DOCK3: variants seen among roughly 807,000 people sequenced by gnomAD.
DOCK3 encodes dedicator of cytokinesis 3, also known as dedicator of cytokinesis protein 3.
DOCK3 carries 60 observed loss-of-function variants against 265.6 expected under a neutral mutation model. The observed-to-expected ratio is 0.23, with a 90% CI of 0.18 to 0.28. The LOEUF is 0.28. DOCK3 is among the 10% of genes least tolerant of loss of function. The pLI is 1.00. For missense variants in DOCK3, 1,981 were observed against 2,594.3 expected, an observed-to-expected ratio of 0.76 and a Z score of 5.14; for synonymous variants, 881 against 938.0, an observed-to-expected ratio of 0.94 and a Z score of 1.11.
chr3:50,807,772 A>C (rs181294833), intron 2 of DOCK3, among the ~76,000 whole-genome samples: 3 of 152,298 alleles, frequency 2.0e-5, no homozygotes, highest in African/African-American at 7.2e-5. Context: ...CGATAGATAC[A>C]AAGTCTTGCT....
chr3:51,269,957 G>C (rs372088635), intron 23 of DOCK3, among the ~76,000 whole-genome samples: 115 of 152,290 alleles, frequency 7.6e-4, no homozygotes, highest in African/African-American at 2.7e-3. Context: ...AAGCGGTAAA[G>C]CTTGGATTTG....
intron 2 of DOCK3, among the ~76,000 whole-genome samples, chr3:50,817,168 A>G (rs1007955076): frequency 1.3e-5 from 2 of 152,300 alleles, no homozygotes; most frequent in South Asian, 4.1e-4. Flanking sequence ...GGCGTTTGTA[A>G]ACTGTCATGG....
chr3:51,129,716 C>T (rs955815995), intron 9 of DOCK3, among the ~76,000 whole-genome samples: 4 of 152,146 alleles, frequency 2.6e-5, no homozygotes, highest in South Asian at 2.1e-4. Flanking sequence ...ATGGCAGTGC[C>T]GTGCTCCAGA....
intron 5 of DOCK3, among the ~76,000 whole-genome samples, chr3:51,025,083 C>A (rs1344927790): frequency 1.3e-5 from 2 of 152,102 alleles, no homozygotes; most frequent in Non-Finnish European, 1.5e-5. Context: ...CCCTAAGTTG[C>A]CTAGGGGAAG....
chr3:51,044,613 T>C (rs371012646), intron 5 of DOCK3, among the ~76,000 whole-genome samples: 1 of 152,084 alleles, frequency 6.6e-6, no homozygotes, highest in South Asian at 2.1e-4. Flanking sequence ...CATCTTCTTA[T>C]CTTTTTTTAA....
chr3:50,900,416 T>A (rs2049125417), intron 4 of DOCK3, among the ~76,000 whole-genome samples: 1 of 152,194 alleles, frequency 6.6e-6, no homozygotes, highest in Non-Finnish European at 1.5e-5. Flanking sequence ...TGCATTGGGT[T>A]AGAACATGCT....
chr3:51,208,303 A>G (rs188217189), intron 12 of DOCK3, among the ~76,000 whole-genome samples: 37 of 152,346 alleles, frequency 2.4e-4, no homozygotes, highest in African/African-American at 7.7e-4. Context: ...AAATAGTATC[A>G]ACATTGCTTT....
At chr3:51,339,863 A>G (rs569658250) in intron 37 of DOCK3, among the ~76,000 whole-genome samples, 1 of 152,320 alleles carries the variant, frequency 6.6e-6, no homozygotes, top group African/African-American at 2.4e-5. Context: ...TTGTCTGCAA[A>G]CGCTACTGCA....
At chr3:50,908,340 T>C (rs1479191623) in intron 4 of DOCK3, among the ~76,000 whole-genome samples, 1 of 152,074 alleles carries the variant, frequency 6.6e-6, no homozygotes, top group Non-Finnish European at 1.5e-5. Flanking sequence ...GAGATCTTTC[T>C]GGCTTTTTGA....
chr3:50,859,293 G>A (rs2046785591), intron 3 of DOCK3, among the ~76,000 whole-genome samples: 1 of 136,740 alleles, frequency 7.3e-6, no homozygotes. Context: ...TTGGCTCACT[G>A]CAGCCTCTGC....
rs59382660 is a variant in DOCK3, at chr3:51,053,078, GATATATATATATATATATATAT to G, written c.316-11347_316-11326del. Among the ~76,000 whole-genome samples the G allele has an allele frequency of 4.1e-3, 181 of 43,808 alleles. 6 individuals are homozygous for G. Among genetic ancestry groups the G allele is most frequent in the East Asian group, 0.027 (8 of 294 alleles). 28.7% of individuals were successfully genotyped at this position (43,808 alleles called of 152,430 possible). ...AGTTTCATCTTTTAAAAAAGTCAAA[GATATATATATATATATATATAT>G]ATATATATATATATATATATATGGA... On this transcript the variant is annotated intron_variant, in intron 5 of 52. Coordinates refer to ENST00000266037, the MANE Select transcript of DOCK3 (RefSeq NM_004947.5).
chr3:51,110,940 C>T (rs892411509), intron 9 of DOCK3, among the ~76,000 whole-genome samples: 16 of 152,168 alleles, frequency 1.1e-4, no homozygotes, highest in Admixed American at 1.3e-4. Context: ...CCCATAATCT[C>T]GGCCCAAAAG....
intron 9 of DOCK3, among the ~76,000 whole-genome samples, chr3:51,108,839 C>A (rs1410870087): frequency 6.6e-6 from 1 of 152,194 alleles, no homozygotes. Flanking sequence ...ACCTAACTAT[C>A]CTAAATATAT....
At chr3:50,744,878 T>A (rs1365010583) in intron 1 of DOCK3, among the ~76,000 whole-genome samples, 1 of 152,202 alleles carries the variant, frequency 6.6e-6, no homozygotes, top group African/African-American at 2.4e-5. Flanking sequence ...TAAAAATGTC[T>A]CATGGTTTAT....
At chr3:50,869,638 C>T (rs1401051017) in intron 3 of DOCK3, among the ~76,000 whole-genome samples, 1 of 151,662 alleles carries the variant, frequency 6.6e-6, no homozygotes, top group Non-Finnish European at 1.5e-5. Flanking sequence ...TCCGAAAGTG[C>T]TGGGATTACA....
rs1350041651 is a variant in DOCK3, at chr3:51,227,426, T to C, written c.1521T>C (p.Phe507=). Residue 507 remains phenylalanine, a synonymous_variant, in exon 16 of 53, where the codon TTT becomes TTC. Transcript: ENST00000266037. ...GGTTCCGGGGCTCCCACCTGCGCTT[T>C]GAGTTCAGACATTGTTCCAGTGAGT... The part of the protein sequence containing the change: ...IDRFRGSHLR[F]EFRHCSTKDK... 1 of 1,613,786 alleles carries C rather than the reference T, an allele frequency of 6.2e-7. No individual in the cohort carries two copies. The highest frequency in any genetic ancestry group is 1.1e-5 in the South Asian group (1 of 91,076).
At chr3:51,370,223 C>T (rs1379957012) in intron 49 of DOCK3, among the ~76,000 whole-genome samples, 2 of 152,200 alleles carry the variant, frequency 1.3e-5, no homozygotes, top group African/African-American at 4.8e-5. Flanking sequence ...GTAAATAGTC[C>T]TGAATAGAGC....
chr3:50,856,670 C>T (rs1238712929), intron 3 of DOCK3, among the ~76,000 whole-genome samples: 1 of 151,740 alleles, frequency 6.6e-6, no homozygotes. Context: ...GCTGTGATGG[C>T]CTTTTATTTC....
chr3:51,199,601 C>T lies in DOCK3; in HGVS notation c.1038-9173C>T, dbSNP rs374253490. Reference sequence around the variant, plus strand: ...CTGCCTGCGTCTGTAGGCTCCACCTCTGGGGGCAGGGCACAGACAAACAAA... The same window carrying T: ...CTGCCTGCGTCTGTAGGCTCCACCTTTGGGGGCAGGGCACAGACAAACAAA... On this transcript the variant is annotated intron_variant, in intron 12 of 52. Coordinates refer to ENST00000266037, the MANE Select transcript of DOCK3 (RefSeq NM_004947.5). Among the ~76,000 whole-genome samples the T allele has an allele frequency of 4.6e-5, 7 of 152,368 alleles. No homozygotes were observed. The South Asian group carries it at 1.5e-3, about 32-fold the overall frequency.
Sources: gnomAD v4.1 joint callset for allele counts (sites outside exome capture counted in the v4.1 genomes callset) on GRCh38, gnomAD v4.1.1 for gene constraint, MANE v1.5 for transcripts, NCBI Gene and HGNC (gene_info 2026-07-23, HGNC 2026-07-21) for gene names.